Variants in CXCL13 observed in about 807,000 individuals in gnomAD.
CXCL13 encodes C-X-C motif chemokine 13.
A neutral mutation model predicts 12.2 loss-of-function variants in CXCL13; 7 were observed. The observed-to-expected ratio is 0.57, with a 90% CI of 0.33 to 1.07. The LOEUF is 1.07. Ranked by LOEUF, CXCL13 falls within the 50% of genes least tolerant of loss-of-function variation. The probability of loss-of-function intolerance (pLI) is 0.04; values close to 1 mark genes in which losing one functional copy is unlikely to be tolerated. For synonymous variants in CXCL13, 47 were observed against 42.4 expected, an observed-to-expected ratio of 1.11 and a Z score of -0.42; for missense variants, 113 against 127.4, an observed-to-expected ratio of 0.89 and a Z score of 0.55.
At chr4:77,513,543 C>T (rs1467498142) in intron 1 of CXCL13, among the ~76,000 whole-genome samples, 1 of 152,116 alleles carries the variant, frequency 6.6e-6, no homozygotes, top group Non-Finnish European at 1.5e-5. Context: ...GCTCCGCCTC[C>T]TGGGTTCACA....
chr4:77,556,217 T>C (rs1378950177), intron 1 of CXCL13, among the ~76,000 whole-genome samples: 1 of 150,800 alleles, frequency 6.6e-6, no homozygotes, highest in East Asian at 2.0e-4. Context: ...CATAAACAAA[T>C]GAATGGTTAA....
intron 1 of CXCL13, among the ~76,000 whole-genome samples, chr4:77,565,401 T>C (rs927014911): frequency 2.6e-5 from 4 of 152,180 alleles, no homozygotes; most frequent in African/African-American, 9.7e-5. Flanking sequence ...GTATTTGGTG[T>C]TTGTAGAATC....
intron 1 of CXCL13, among the ~76,000 whole-genome samples, chr4:77,516,011 G>A (rs932323305): frequency 6.6e-6 from 1 of 152,154 alleles, no homozygotes; most frequent in Non-Finnish European, 1.5e-5. Flanking sequence ...AGAGTTTTTA[G>A]CGTGAAGTGC....
chr4:77,573,971 A>C (rs1726150698), intron 1 of CXCL13, among the ~76,000 whole-genome samples: 1 of 151,978 alleles, frequency 6.6e-6, no homozygotes, highest in South Asian at 2.1e-4. Flanking sequence ...TCATAACCTT[A>C]AGGCTTATTG....
At chr4:77,552,563 C>G (rs563508542) in intron 1 of CXCL13, among the ~76,000 whole-genome samples, 1 of 152,224 alleles carries the variant, frequency 6.6e-6, no homozygotes, top group African/African-American at 2.4e-5. Context: ...TGAGCTCCCT[C>G]CTTACCCCTG....
chr4:77,512,877 C>T (rs181988688), intron 1 of CXCL13, among the ~76,000 whole-genome samples: 1 of 152,160 alleles, frequency 6.6e-6, no homozygotes, highest in East Asian at 1.9e-4. Flanking sequence ...GTGCTGCACC[C>T]ATTAACTCAT....
At chr4:77,555,122 GA>G (rs1449220270) in intron 1 of CXCL13, among the ~76,000 whole-genome samples, 19 of 151,528 alleles carry the variant, frequency 1.3e-4, no homozygotes, top group Non-Finnish European at 2.4e-4. Flanking sequence ...TAATTAACAG[GA>G]AAAAAACCAA....
At chr4:77,550,519 T>C (rs1213215015) in intron 1 of CXCL13, among the ~76,000 whole-genome samples, 1 of 152,252 alleles carries the variant, frequency 6.6e-6, no homozygotes, top group Non-Finnish European at 1.5e-5. Context: ...TTAAACTTAC[T>C]GAGCCTTGTT....
At chr4:77,587,365 G>T (rs1166024349) in intron 1 of CXCL13, among the ~76,000 whole-genome samples, 2 of 152,176 alleles carry the variant, frequency 1.3e-5, no homozygotes, top group South Asian at 2.1e-4. Flanking sequence ...CTATGTGCTG[G>T]TTACAGTTTA....
intron 1 of CXCL13, among the ~76,000 whole-genome samples, chr4:77,600,548 T>C (rs1277643517): frequency 1.3e-5 from 2 of 152,240 alleles, no homozygotes; most frequent in Non-Finnish European, 2.9e-5. Flanking sequence ...CATATGATTA[T>C]ATATGATGAC....
At chr4:77,576,392 C>A (rs116669035) in intron 1 of CXCL13, among the ~76,000 whole-genome samples, 2,051 of 152,330 alleles carry the variant, frequency 0.013, 37 homozygotes, top group African/African-American at 0.045. Context: ...TTGTCTCTCT[C>A]TGCCTGGCTT....
chr4:77,599,174 A>C (rs1726837432), intron 1 of CXCL13, among the ~76,000 whole-genome samples: 1 of 152,170 alleles, frequency 6.6e-6, no homozygotes, highest in Non-Finnish European at 1.5e-5. Context: ...GAGGAAAAAA[A>C]ACATTAACAA....
intron 1 of CXCL13, among the ~76,000 whole-genome samples, chr4:77,518,413 C>T (rs1451966618): frequency 1.3e-5 from 2 of 152,178 alleles, no homozygotes; most frequent in East Asian, 1.9e-4. Flanking sequence ...TCCATTCTCC[C>T]TGTCACTTTC....
intron 1 of CXCL13, among the ~76,000 whole-genome samples, chr4:77,534,551 G>A (rs1457819194): frequency 6.6e-6 from 1 of 152,224 alleles, no homozygotes; most frequent in African/African-American, 2.4e-5. Flanking sequence ...ATGCACATGA[G>A]ATCTCTTAAT....
At chr4:77,610,762 T>A in intron 3 of CXCL13, 68 bp downstream of exon 3, 1 of 1,205,618 alleles carries the variant, frequency 8.3e-7, no homozygotes, top group Non-Finnish European at 1.2e-6. Context: ...TCCTGGGCAG[T>A]CAAAATAGGG....
chr4:77,580,105 G>C (rs1309493098), intron 1 of CXCL13, among the ~76,000 whole-genome samples: 1 of 152,078 alleles, frequency 6.6e-6, no homozygotes, highest in Admixed American at 6.5e-5. Context: ...TGGCAAGAAA[G>C]TGGGAAGGGG....
intron 1 of CXCL13, among the ~76,000 whole-genome samples, chr4:77,550,610 G>A (rs912547989): frequency 6.6e-6 from 1 of 152,168 alleles, no homozygotes; most frequent in Non-Finnish European, 1.5e-5. Flanking sequence ...TTGATGGGAG[G>A]AGTATTCTGT....
chr4:77,585,269 G>A (rs1044490346), intron 1 of CXCL13, among the ~76,000 whole-genome samples: 2 of 152,134 alleles, frequency 1.3e-5, no homozygotes, highest in East Asian at 3.8e-4. Flanking sequence ...CTCTCTTCAG[G>A]TATGGATGCA....
At chr4:77,595,905 C>T (rs976407256) in intron 1 of CXCL13, among the ~76,000 whole-genome samples, 3 of 152,174 alleles carry the variant, frequency 2.0e-5, no homozygotes, top group African/African-American at 7.2e-5. Flanking sequence ...GGGCTCCAAA[C>T]AAGCATGCTT....
Sources: gnomAD v4.1 joint callset for allele counts (sites outside exome capture counted in the v4.1 genomes callset) on GRCh38, gnomAD v4.1.1 for gene constraint, MANE v1.5 for transcripts, NCBI Gene and HGNC (gene_info 2026-07-23, HGNC 2026-07-21) for gene names.